The following VAV1 variants were observed in gnomAD, a reference collection of about 807,000 sequenced individuals.
VAV1 encodes the protein proto-oncogene vav.
A neutral mutation model predicts 128.1 loss-of-function variants in VAV1; 33 were observed. The observed-to-expected ratio is 0.26, with a 90% confidence interval of 0.20 to 0.34. VAV1 has a LOEUF of 0.34. Ranked by LOEUF, VAV1 falls within the 10% of genes least tolerant of loss-of-function variation. The probability of loss-of-function intolerance (pLI) is 1.00; values close to 1 mark genes in which losing one functional copy is unlikely to be tolerated. For missense variants in VAV1, 715 were observed against 1,093.7 expected, an observed-to-expected ratio of 0.65 and a Z score of 4.88; for synonymous variants, 394 against 409.8, an observed-to-expected ratio of 0.96 and a Z score of 0.47.
intron 1 of VAV1, among the ~76,000 whole-genome samples, chr19:6,808,244 G>T (rs181912317): frequency 6.6e-6 from 1 of 151,502 alleles, no homozygotes; most frequent in African/African-American, 2.4e-5. Context: ...CCCAGGAGGC[G>T]GAGTTTGCAG....
chr19:6,850,561 A>G, intron 23 of VAV1, 109 bp from the exon 24 acceptor site: 1 of 986,428 alleles, frequency 1.0e-6, no homozygotes, highest in Non-Finnish European at 1.6e-6. Context: ...TTTGGTTTCC[A>G]GTAGTTACTC....
At chr19:6,846,624 C>T (rs1185088474) in intron 22 of VAV1, among the ~76,000 whole-genome samples, 3 of 148,256 alleles carry the variant, frequency 2.0e-5, no homozygotes, top group Non-Finnish European at 3.0e-5. Context: ...ATTTATGTTG[C>T]CCATTTACAT....
In VAV1 at chr19:6,836,879, C is replaced by G. The variant is rs528795557; in HGVS notation, c.1915-106C>G. 106 of 860,810 alleles carry G rather than the reference C, an allele frequency of 1.2e-4. 1 individual carries two copies. In the East Asian group the frequency reaches 2.3e-3, roughly 19 times the overall value. 53.3% of individuals were successfully genotyped at this position (860,810 alleles called of 1,614,324 possible). Reference sequence around the variant, plus strand: ...ACACACACACACACACACACACACACGAGTGATGGGGCAGGATCCACGTGT... The same window carrying G: ...ACACACACACACACACACACACACAGGAGTGATGGGGCAGGATCCACGTGT... On this transcript the variant is annotated intron_variant, in intron 20 of 26. Transcript: ENST00000602142.
At chr19:6,836,640 G>T (rs1057259802) in intron 20 of VAV1, 72 bp downstream of exon 20, 1 of 1,580,040 alleles carries the variant, frequency 6.3e-7, no homozygotes. Flanking sequence ...TGGTCTCAGG[G>T]AGTTGGGTCA....
Position 6,820,916 on chromosome 19 carries a change from A to G in VAV1, c.321+98A>G, listed in dbSNP as rs1243736009. On this transcript the variant is annotated intron_variant, in intron 2 of 26. Transcript: ENST00000602142. This position sits in a 1 kb window ranked among gnomAD's most constrained non-coding sequence, Gnocchi z 4.4. Reference sequence around the variant, plus strand: ...AGGACTGTCAGGGGACAGGCAGACAAGCCAGACCAGGCCATATACAAGACG... The same window carrying G: ...AGGACTGTCAGGGGACAGGCAGACAGGCCAGACCAGGCCATATACAAGACG... 4.3e-6 allele frequency: 5 copies of G among 1,164,156 alleles called. No homozygotes were observed. In the African/African-American group the frequency reaches 4.5e-5, roughly 11 times the overall value. The allele number at this position is 1,164,156 out of a possible 1,614,324, so 72.1% of individuals were successfully genotyped here.
chr19:6,816,879 G>A (rs547162058), intron 1 of VAV1, among the ~76,000 whole-genome samples: 4 of 151,886 alleles, frequency 2.6e-5, no homozygotes, highest in Admixed American at 2.0e-4. Flanking sequence ...TGGGAGAACC[G>A]CTTGAACCTG....
intron 26 of VAV1, among the ~76,000 whole-genome samples, chr19:6,855,635 G>A (rs1972775216): frequency 6.6e-6 from 1 of 150,928 alleles, no homozygotes. Flanking sequence ...TTCTATCTGT[G>A]CATCCATCCA....
At position 6,822,598 on chromosome 19, in the gene VAV1, G is replaced by C; in HGVS notation, c.654+84G>C. The C allele has an allele frequency of 8.2e-7, 1 of 1,220,790 alleles. No homozygotes were observed. The highest frequency in any genetic ancestry group is 1.1e-6 in the Non-Finnish European group (1 of 877,754). 75.6% of individuals were successfully genotyped at this position (1,220,790 alleles called of 1,614,324 possible). On this transcript the variant is annotated intron_variant, in intron 6 of 26. Coordinates refer to ENST00000602142, the MANE Select transcript of VAV1 (RefSeq NM_005428.4). This position sits in a 1 kb window ranked among gnomAD's most constrained non-coding sequence, Gnocchi z 5.9. The stretch of plus-strand genomic sequence containing the variant: ...GCACGTCCACCTGTCCGGCCGCTCT[G>C]GGCAGCTGAGGATTTCCTGCTCCCA...
In VAV1 at chr19:6,822,457, G is replaced by A. The variant is rs1971815990; in HGVS notation, c.597G>A (p.Leu199=). The change falls in exon 6 of 27, where the codon CTG becomes CTA. Residue 199 remains leucine, a synonymous_variant. Transcript: ENST00000602142. This position sits in a 1 kb window ranked among gnomAD's most constrained non-coding sequence, Gnocchi z 5.9. ...AGTATGACAAGCGCTGCTGCTGCCT[G>A]CGGGAGATCCAGCAGACGGAGGAGA... ...MTEYDKRCCC[L]REIQQTEEKY... 1.3e-6 allele frequency: 2 copies of A among 1,563,070 alleles called. No homozygotes were observed. The highest frequency in any genetic ancestry group is 1.9e-5 in the Admixed American group (1 of 52,760).
In VAV1 at chr19:6,822,739, ACTGC is replaced by A. The variant is rs1248751747; in HGVS notation, c.654+230_654+233del. Among the ~76,000 whole-genome samples the A allele has an allele frequency of 2.0e-5, 3 of 148,366 alleles. No individual in the cohort carries two copies. The highest frequency in any genetic ancestry group is 2.0e-4 in the Admixed American group (3 of 14,854). Reference sequence around the variant, plus strand: ...AAAAAATATATATAAAATATAGGACACTGCCTGCAGGAGCAGTCAAAAAACCAAA... The same window carrying A: ...AAAAAATATATATAAAATATAGGACACTGCAGGAGCAGTCAAAAAACCAAA... On this transcript the variant is annotated intron_variant, in intron 6 of 26. Transcript: ENST00000602142. The surrounding 1 kb of genome is among the most constrained non-coding windows in gnomAD (Gnocchi z 5.9).
At chr19:6,773,459 T>A (rs1022274619) in intron 1 of VAV1, among the ~76,000 whole-genome samples, 1 of 152,090 alleles carries the variant, frequency 6.6e-6, no homozygotes, top group Non-Finnish European at 1.5e-5. Flanking sequence ...CACATGTGTC[T>A]CCTCCTCCCG....
chr19:6,803,059 C>T (rs1412238285), intron 1 of VAV1, among the ~76,000 whole-genome samples: 1 of 152,146 alleles, frequency 6.6e-6, no homozygotes, highest in Non-Finnish European at 1.5e-5. Context: ...CGATGTAGGG[C>T]AAGGCAAGCC....
chr19:6,825,499 C>CT (rs1476556172), intron 8 of VAV1, 93 bp downstream of exon 8: 10 of 1,095,374 alleles, frequency 9.1e-6, no homozygotes, highest in Non-Finnish European at 1.2e-5. Flanking sequence ...CACCACTGGA[C>CT]GGGGAGGACT....
chr19:6,843,018 T>C (rs1972417369), intron 21 of VAV1, 117 bp from the exon 22 acceptor site: 1 of 1,112,260 alleles, frequency 9.0e-7, no homozygotes, highest in Non-Finnish European at 1.4e-6. Context: ...TGGCACATAA[T>C]AGGCACTCAC....
At chr19:6,836,291 A>T (rs951540227) in intron 19 of VAV1, 141 bp from the exon 20 acceptor site, 7 of 1,122,302 alleles carry the variant, frequency 6.2e-6, no homozygotes, top group Non-Finnish European at 8.7e-6. Context: ...AATGAGTGAA[A>T]ATTCCAGTTT....
At position 6,833,275 on chromosome 19, in the gene VAV1, A is replaced by T; in HGVS notation, c.1600A>T (p.Met534Leu). 1 of 1,611,552 alleles carries T rather than the reference A, an allele frequency of 6.2e-7. No individual in the cohort carries two copies. The highest frequency in any genetic ancestry group is 8.5e-7 in the Non-Finnish European group (1 of 1,179,312). The change falls in exon 16 of 27, where the codon ATG (methionine) becomes TTG (leucine). Residue 534 changes from methionine (M) to leucine (L), a missense_variant. Physicochemically the swap from Met to Leu is conservative, Grantham distance 15. Transcript: ENST00000602142. ...EETTSCKACQ[M>L]LLRGTFYQGY... Reference sequence around the variant, plus strand: ...GACCACATCCTGCAAGGCCTGTCAGATGCTGCTTAGGTGAGAATCTGGGAG... The same window carrying T: ...GACCACATCCTGCAAGGCCTGTCAGTTGCTGCTTAGGTGAGAATCTGGGAG...
At chr19:6,791,657 A>G (rs2660484) in intron 1 of VAV1, among the ~76,000 whole-genome samples, 30,806 of 152,196 alleles carry the variant, frequency 0.2, 3,414 homozygotes, top group African/African-American at 0.29. Flanking sequence ...TTTGACCTGG[A>G]TACATCTTTA....
rs111666124 is a variant in VAV1, at chr19:6,834,117, G to A, written c.1777+164G>A. ...TTTGGGAGGCCAAGGCGGGAGGATC[G>A]CTTGAAGTCAGGTGCACACCACCAC... On this transcript the variant is annotated intron_variant, in intron 19 of 26. Transcript: ENST00000602142. Among the ~76,000 whole-genome samples the A allele has an allele frequency of 8.6e-5, 13 of 151,744 alleles. 1 individual carries two copies. The highest frequency in any genetic ancestry group is 7.9e-4 in the Admixed American group (12 of 15,230).
In VAV1 at chr19:6,804,246, C is replaced by A. The variant is rs1349502289; in HGVS notation, c.205-16456C>A. On this transcript the variant is annotated intron_variant, in intron 1 of 26. Transcript: ENST00000602142. ...TAGCCTGTGAGGCTTCTTGGTTTCA[C>A]CCAAGAAGCCTCACAGGCTAAGGAA... 2.0e-5 allele frequency among the ~76,000 whole-genome samples: 3 copies of A among 151,014 alleles called. No individual in the cohort carries two copies. In the East Asian group the frequency reaches 5.9e-4, roughly 30 times the overall value.
Sources: allele counts gnomAD v4.1 joint callset (sites outside exome capture counted in the v4.1 genomes callset), GRCh38; gene constraint gnomAD v4.1.1; non-coding constraint Gnocchi (gnomAD v3.1); transcripts MANE v1.5; gene names NCBI Gene and HGNC (gene_info 2026-07-23, HGNC 2026-07-21).